The following NLRC5 variants were observed in gnomAD, a reference collection of about 807,000 sequenced individuals.
NLRC5 encodes NLR family CARD domain containing 5.
Under a neutral mutation model 206.9 loss-of-function variants are expected in NLRC5, and 114 were observed. The ratio of observed to expected loss-of-function variants is 0.55; its 90% CI spans 0.47 to 0.64. The LOEUF (loss-of-function observed/expected upper bound fraction) is 0.64. NLRC5 is among the 30% of genes least tolerant of loss of function. The probability of loss-of-function intolerance (pLI) is 0.00; values close to 1 mark genes in which losing one functional copy is unlikely to be tolerated. For missense variants in NLRC5, 2,008 were observed against 2,305.5 expected (o/e 0.87, Z 2.64); for synonymous variants, 952 against 962.8 (o/e 0.99, Z 0.21).
rs761423694 is a variant in NLRC5 at position 57,026,154 on chromosome 16, C to T, written c.1211C>T (p.Ala404Val). 23 of 1,613,814 alleles carry T rather than the reference C, an allele frequency of 1.4e-5. No individual in the cohort carries two copies. The highest frequency in any genetic ancestry group is 1.7e-5 in the Non-Finnish European group (20 of 1,180,040). Residue 404 changes from alanine to valine, a missense_variant, in exon 6 of 49, where the codon GCG becomes GTG. Coordinates refer to ENST00000688547, the MANE Select transcript of NLRC5 (RefSeq NM_001384950.1). ...QTNGRLRSLC[A>V]VPALCQVACL... ...AATGGACGTCTCCGAAGCCTGTGTG[C>T]GGTGCCCGCACTGTGCCAAGTCGCC...
chr16:57,009,037 A>G (rs2059207809), intron 1 of NLRC5, among the ~76,000 whole-genome samples: 3 of 152,236 alleles, frequency 2.0e-5, no homozygotes, highest in African/African-American at 7.2e-5. Context: ...TCACGCCTGT[A>G]ATCCCAGCAC....
chr16:56,993,439 G>A (rs887359573), intron 1 of NLRC5, among the ~76,000 whole-genome samples: 5 of 151,962 alleles, frequency 3.3e-5, no homozygotes, highest in African/African-American at 1.2e-4. Flanking sequence ...AATATCCTTG[G>A]TCAGGCATCA....
At position 57,026,321 on chromosome 16, in the gene NLRC5, C is replaced by CCAG. The variant is rs2061269819; in HGVS notation, c.1378_1379insCAG (p.Leu460delinsProVal). Reference sequence around the variant, plus strand: ...CTTGCCCACCTCGTCCCTACTGGACCTGGGGGAGGTGGCCCTGAGGGGCCT... The same window carrying CCAG: ...CTTGCCCACCTCGTCCCTACTGGACCCAGTGGGGGAGGTGGCCCTGAGGGGCCT... On this transcript the variant is annotated protein_altering_variant, in exon 6 of 49. Transcript: ENST00000688547. 1 of 1,613,920 alleles carries CCAG rather than the reference C, an allele frequency of 6.2e-7. No homozygotes were observed. The highest frequency in any genetic ancestry group is 1.3e-5 in the African/African-American group (1 of 74,942).
At position 57,026,370 on chromosome 16, in the gene NLRC5, A is replaced by G. The variant is rs545626603; in HGVS notation, c.1427A>G (p.Tyr476Cys). ...CTGGAGACAGGGAAGGTTATCTTCT[A>G]TGCAAAAGATATTGCTCCACCCTTG... ...RGLETGKVIF[Y>C]AKDIAPPLIA... Residue 476 changes from tyrosine (Y) to cysteine (C), a missense_variant, in exon 6 of 49, where the codon TAT becomes TGT. By Grantham distance (194) the Tyr-to-Cys change is radical. Transcript: ENST00000688547. 9.9e-6 allele frequency: 16 copies of G among 1,613,976 alleles called. No individual in the cohort carries two copies. Among genetic ancestry groups the G allele is most frequent in the African/African-American group, 2.7e-5 (2 of 75,062 alleles).
At chr16:57,040,962 G>C (rs1194061215) in intron 17 of NLRC5, among the ~76,000 whole-genome samples, 2 of 151,876 alleles carry the variant, frequency 1.3e-5, no homozygotes, top group African/African-American at 2.4e-5. Context: ...ACTCCCCTTA[G>C]CTCCCTGACC....
chr16:57,058,213 A>G, intron 28 of NLRC5, 65 bp downstream of exon 28: 1 of 1,367,010 alleles, frequency 7.3e-7, no homozygotes, highest in Non-Finnish European at 1.0e-6. Context: ...CAAAAGCATG[A>G]TGGGGGCTCC....
chr16:57,031,304 TG>T, intron 10 of NLRC5, 99 bp from the exon 11 acceptor site: 1 of 1,283,638 alleles, frequency 7.8e-7, no homozygotes, highest in Non-Finnish European at 1.1e-6. Context: ...CAGCTTTATC[TG>T]GATGTTTGAA....
chr16:57,015,828 A>G (rs1181647735), intron 1 of NLRC5, among the ~76,000 whole-genome samples: 1 of 143,024 alleles, frequency 7.0e-6, no homozygotes, highest in Non-Finnish European at 1.5e-5. Context: ...TGGGAGGCTG[A>G]GGCAAGAGAA....
chr16:56,995,891 G>A (rs2057541738), intron 1 of NLRC5, among the ~76,000 whole-genome samples: 1 of 152,250 alleles, frequency 6.6e-6, no homozygotes, highest in Non-Finnish European at 1.5e-5. Context: ...GACCTATCCA[G>A]TAGGAGTTCA....
At chr16:57,075,215 C>A (rs1256499633) in intron 39 of NLRC5, among the ~76,000 whole-genome samples, 1 of 151,632 alleles carries the variant, frequency 6.6e-6, no homozygotes, top group Non-Finnish European at 1.5e-5. Flanking sequence ...CTTAGCATTT[C>A]TTTTTTTGTT....
chr16:57,076,820 C>T lies in NLRC5; in HGVS notation c.4753C>T (p.Leu1585=). The part of the protein sequence containing the change: ...SQMTCLQSLR[L]NRNSIGDVGC... ...TTGGTCTATTCCCTGCTTTTCCAGA[C>T]TGAACAGGAACAGTATCGGTGATGT... Residue 1585 remains leucine, a splice_region_variant and synonymous_variant, in exon 40 of 49, where the codon CTG becomes TTG. Coordinates refer to ENST00000688547, the MANE Select transcript of NLRC5 (RefSeq NM_001384950.1). 1 of 1,614,098 alleles carries T rather than the reference C, an allele frequency of 6.2e-7. No homozygotes were observed. Among genetic ancestry groups the T allele is most frequent in the Non-Finnish European group, 8.5e-7 (1 of 1,179,988 alleles).
chr16:57,008,062 G>A (rs1351973787), intron 1 of NLRC5, among the ~76,000 whole-genome samples: 1 of 151,770 alleles, frequency 6.6e-6, no homozygotes, highest in Non-Finnish European at 1.5e-5. Flanking sequence ...TGCTTAGCAA[G>A]ATGCTCTCTA....
intron 2 of NLRC5, among the ~76,000 whole-genome samples, chr16:57,020,442 T>A (rs569214355): frequency 7.3e-5 from 8 of 109,594 alleles, no homozygotes; most frequent in South Asian, 7.1e-4. Flanking sequence ...CTAGCTCACC[T>A]GTGCCCCAGC....
At chr16:57,076,710 A>G in intron 39 of NLRC5, 109 bp from the exon 40 acceptor site, 1 of 1,005,866 alleles carries the variant, frequency 9.9e-7, no homozygotes, top group Non-Finnish European at 1.6e-6. Context: ...CTACCAGCAT[A>G]TGAATTCCTG....
chr16:57,020,174 C>T (rs1167742), intron 2 of NLRC5, among the ~76,000 whole-genome samples: 1 of 150,850 alleles, frequency 6.6e-6, no homozygotes, highest in Non-Finnish European at 1.5e-5. Context: ...AACTCACCTT[C>T]CCCAGATCAC....
chr16:57,023,666 G>GT (rs2060926415), intron 4 of NLRC5, 119 bp from the exon 5 acceptor site: 1 of 723,408 alleles, frequency 1.4e-6, no homozygotes, highest in Admixed American at 2.4e-5. Flanking sequence ...GTCCCTGCAT[G>GT]TGGGTGTACT....
intron 39 of NLRC5, among the ~76,000 whole-genome samples, chr16:57,075,211 A>C (rs1597453803): frequency 1.3e-5 from 2 of 149,470 alleles, no homozygotes; most frequent in South Asian, 4.2e-4. Context: ...CAAACTTAGC[A>C]TTTCTTTTTT....
At position 57,025,702 on chromosome 16, in the gene NLRC5, C is replaced by A. The variant is rs746274418; in HGVS notation, c.759C>A (p.Phe253Leu). 8 of 1,614,228 alleles carry A rather than the reference C, an allele frequency of 5.0e-6. No individual in the cohort carries two copies. The highest frequency in any genetic ancestry group is 5.9e-6 in the Non-Finnish European group (7 of 1,180,038). ...QKWAEGHLNC[F>L]QALFLFEFRQ... Reference sequence around the variant, plus strand: ...GGGCAGAGGGCCATCTGAACTGTTTCCAGGCCCTGTTCCTTTTTGAATTCC... The same window carrying A: ...GGGCAGAGGGCCATCTGAACTGTTTACAGGCCCTGTTCCTTTTTGAATTCC... The change falls in exon 6 of 49, where the codon TTC (phenylalanine) becomes TTA (leucine). Residue 253 changes from phenylalanine (F) to leucine (L), a missense_variant. Coordinates refer to ENST00000688547, the MANE Select transcript of NLRC5 (RefSeq NM_001384950.1).
intron 18 of NLRC5, among the ~76,000 whole-genome samples, 186 bp downstream of exon 18, chr16:57,041,760 A>C (rs1332838535): frequency 1.3e-5 from 2 of 152,142 alleles, no homozygotes; most frequent in Non-Finnish European, 2.9e-5. Context: ...CATGTCTGAC[A>C]CGCTCGGAGG....
Sources: allele counts gnomAD v4.1 joint callset (sites outside exome capture counted in the v4.1 genomes callset), GRCh38; gene constraint gnomAD v4.1.1; transcripts MANE v1.5; gene names NCBI Gene and HGNC (gene_info 2026-07-23, HGNC 2026-07-21).